The following SIAH3 variants were observed in gnomAD, a reference collection of about 807,000 sequenced individuals.
SIAH3 encodes the protein seven in absentia homolog 3.
In SIAH3, 9 loss-of-function variants were observed where a neutral mutation model predicts 12.6. The ratio of observed to expected loss-of-function variants is 0.72; its 90% CI spans 0.43 to 1.25. The LOEUF (loss-of-function observed/expected upper bound fraction) is 1.25, where lower values mean the gene tolerates loss of function less well. SIAH3 is among the 50% of genes most tolerant of loss of function. The pLI is 0.00. For synonymous variants in SIAH3, 154 were observed against 151.1 expected, an observed-to-expected ratio of 1.02 and a Z score of -0.14; for missense variants, 390 against 365.4, an observed-to-expected ratio of 1.07 and a Z score of -0.55.
chr13:45,814,839 C>T (rs376054725), intron 1 of SIAH3, among the ~76,000 whole-genome samples: 6 of 152,014 alleles, frequency 3.9e-5, no homozygotes, highest in Admixed American at 1.3e-4. Context: ...TCTCCAGCCT[C>T]GGCCTCCAGA....
chr13:45,795,661 G>A (rs919946052), intron 1 of SIAH3, among the ~76,000 whole-genome samples: 2 of 152,154 alleles, frequency 1.3e-5, no homozygotes, highest in Non-Finnish European at 2.9e-5. Context: ...CAGCATCCAT[G>A]AAACTGTGGC....
At chr13:45,846,598 C>A (rs1486662364) in intron 1 of SIAH3, among the ~76,000 whole-genome samples, 2 of 152,142 alleles carry the variant, frequency 1.3e-5, no homozygotes, top group Non-Finnish European at 2.9e-5. Flanking sequence ...GGAAAATAAT[C>A]CATCTTACCC....
At chr13:45,824,271 C>T (rs564062087) in intron 1 of SIAH3, among the ~76,000 whole-genome samples, 135 of 152,308 alleles carry the variant, frequency 8.9e-4, no homozygotes, top group Non-Finnish European at 1.6e-3. Flanking sequence ...TGTCCCACAA[C>T]GCCACATCGA....
intron 1 of SIAH3, among the ~76,000 whole-genome samples, chr13:45,806,337 C>A (rs1357295359): frequency 6.6e-6 from 1 of 152,062 alleles, no homozygotes; most frequent in East Asian, 1.9e-4. Context: ...CAATGGTGGA[C>A]TGGATAAAGA....
chr13:45,804,101 T>G lies in SIAH3; in HGVS notation c.136-20044A>C, dbSNP rs187058297. On this transcript the variant is annotated intron_variant, in intron 1 of 1. Transcript: ENST00000400405. ...TTACATATATTTTTTCTTCCCCAAT[T>G]AAAAACTTTTAATTTAAAAGTTAAC... 1.1e-3 allele frequency among the ~76,000 whole-genome samples: 163 copies of G among 152,202 alleles called. 2 individuals are homozygous for G. The Middle Eastern group carries it at 0.024, about 22-fold the overall frequency.
At chr13:45,837,563 A>C (rs1023733) in intron 1 of SIAH3, among the ~76,000 whole-genome samples, 914 of 60,264 alleles carry the variant, frequency 0.015, 14 homozygotes, top group African/African-American at 0.035. Flanking sequence ...GAAGGAGGGA[A>C]GGAAGGAATG....
In SIAH3 at chr13:45,782,493, T is replaced by A. The variant is rs1950508188; in HGVS notation, c.*890A>T. The A allele has an allele frequency of 6.6e-6, 1 of 152,138 alleles. No homozygotes were observed. The highest frequency in any genetic ancestry group is 1.5e-5 in the Non-Finnish European group (1 of 68,026). 9.4% of individuals were successfully genotyped at this position (152,138 alleles called of 1,614,324 possible). A position where few individuals can be genotyped will look rare whatever the true frequency, so the allele number is the denominator to read the frequency against. ...GGATTTTATAACTTGATAATAAAAC[T>A]CTCTGAGGAGGGAGTGCCCTCTCAG... On this transcript the variant is annotated 3_prime_UTR_variant, in exon 2 of 2. Coordinates refer to ENST00000400405, the MANE Select transcript of SIAH3 (RefSeq NM_198849.3).
rs757740020 is a variant in SIAH3 at position 45,783,473 on chromosome 13, C to T, written c.720G>A (p.Ser240=). The T allele has an allele frequency of 3.7e-6, 6 of 1,613,990 alleles. No individual in the cohort carries two copies. The highest frequency in any genetic ancestry group is 1.1e-5 in the South Asian group (1 of 91,088). The change falls in exon 2 of 2, where the codon TCG becomes TCA. Residue 240 remains serine (S), a synonymous_variant. Transcript: ENST00000400405. The part of the protein sequence containing the change: ...TDGDCLVLNT[S]LAQLFSDNGS... ...CGTTGTCAGAGAAGAGCTGTGCCAG[C>T]GAGGTGTTGAGGACGAGGCAGTCCC...
In SIAH3 at chr13:45,779,431, A is replaced by AT. The variant is rs1177336507; in HGVS notation, c.*3951dup. 2 of 152,218 alleles carry AT rather than the reference A, an allele frequency of 1.3e-5. No homozygotes were observed. The highest frequency in any genetic ancestry group is 2.9e-5 in the Non-Finnish European group (2 of 68,056). The allele number at this position is 152,218 out of a possible 1,614,324, so 9.4% of individuals were successfully genotyped here. On this transcript the variant is annotated 3_prime_UTR_variant, in exon 2 of 2. Coordinates refer to ENST00000400405, the MANE Select transcript of SIAH3 (RefSeq NM_198849.3). ...GGAGAAAAAGGGGAGCTAAAAGGCC[A>AT]TATTGAGTATGAAAGCACTAAAAGG...
rs759043883 is a variant in SIAH3 at position 45,783,734 on chromosome 13, C to T, written c.459G>A (p.Pro153=). 2.5e-6 allele frequency: 4 copies of T among 1,614,014 alleles called. No individual in the cohort carries two copies. The highest frequency in any genetic ancestry group is 1.1e-5 in the South Asian group (1 of 91,084). Reference sequence around the variant, plus strand: ...AGGAGTGCATGATGATCCAATCAGCCGGCGCGGGGAGGTGCATGTCCGTGG... The same window carrying T: ...AGGAGTGCATGATGATCCAATCAGCTGGCGCGGGGAGGTGCATGTCCGTGG... ...FLATDMHLPA[P]ADWIIMHSCL... The change falls in exon 2 of 2, where the codon CCG becomes CCA. Residue 153 remains proline (P), a synonymous_variant. Transcript: ENST00000400405.
intron 1 of SIAH3, among the ~76,000 whole-genome samples, chr13:45,802,715 G>A (rs1182595317): frequency 6.6e-6 from 1 of 152,158 alleles, no homozygotes; most frequent in Non-Finnish European, 1.5e-5. Flanking sequence ...CATTCGGCAG[G>A]TTGCCATCCC....
intron 1 of SIAH3, among the ~76,000 whole-genome samples, chr13:45,848,269 C>G (rs1593390945): frequency 6.6e-6 from 1 of 152,224 alleles, no homozygotes; most frequent in South Asian, 2.1e-4. Context: ...GAACCCTAAT[C>G]TGTGCAAGTG....
chr13:45,785,558 C>T (rs563293057), intron 1 of SIAH3, among the ~76,000 whole-genome samples: 17 of 152,342 alleles, frequency 1.1e-4, no homozygotes, highest in East Asian at 7.7e-4. Context: ...CAGTCATGCA[C>T]GCAATACACA....
intron 1 of SIAH3, among the ~76,000 whole-genome samples, chr13:45,810,876 C>G (rs1406878694): frequency 6.6e-6 from 1 of 152,102 alleles, no homozygotes; most frequent in African/African-American, 2.4e-5. Context: ...CTGGGGTGAA[C>G]TTTGCAGAAA....
At chr13:45,838,438 G>A (rs1350191357) in intron 1 of SIAH3, among the ~76,000 whole-genome samples, 1 of 152,140 alleles carries the variant, frequency 6.6e-6, no homozygotes, top group Admixed American at 6.5e-5. Context: ...GCTTCAATGA[G>A]GCAGCTTCTT....
chr13:45,846,667 T>C (rs1290035038), intron 1 of SIAH3, among the ~76,000 whole-genome samples: 2 of 152,202 alleles, frequency 1.3e-5, no homozygotes, highest in African/African-American at 4.8e-5. Context: ...GCTTTCCGTA[T>C]CTATTTTCTA....
intron 1 of SIAH3, among the ~76,000 whole-genome samples, chr13:45,802,167 G>A (rs1458616805): frequency 1.3e-5 from 2 of 152,098 alleles, no homozygotes; most frequent in Admixed American, 6.6e-5. Flanking sequence ...TTAGCTGGGC[G>A]TGGTGGCATG....
chr13:45,796,269 G>C (rs1289669027), intron 1 of SIAH3, among the ~76,000 whole-genome samples: 1 of 152,140 alleles, frequency 6.6e-6, no homozygotes, highest in Non-Finnish European at 1.5e-5. Context: ...GAAAGAGAGA[G>C]AGAGACAGAG....
chr13:45,818,280 G>A (rs1393099534), intron 1 of SIAH3, among the ~76,000 whole-genome samples: 1 of 152,146 alleles, frequency 6.6e-6, no homozygotes, highest in East Asian at 1.9e-4. Context: ...AATTACTTGT[G>A]TTCATGTCCT....
Sources: allele counts gnomAD v4.1 joint callset (sites outside exome capture counted in the v4.1 genomes callset), GRCh38; gene constraint gnomAD v4.1.1; transcripts MANE v1.5; gene names NCBI Gene and HGNC (gene_info 2026-07-23, HGNC 2026-07-21).